The following FSTL5 variants were observed in gnomAD, a reference collection of about 807,000 sequenced individuals.
FSTL5 encodes the protein follistatin like 5, also known as follistatin-related protein 5.
Under a neutral mutation model 89.1 loss-of-function variants are expected in FSTL5, and 62 were observed. The observed-to-expected ratio is 0.70, with a 90% confidence interval of 0.57 to 0.86. The LOEUF is 0.86. FSTL5 is among the 40% of genes least tolerant of loss of function. FSTL5 has a pLI of 0.00. For missense variants in FSTL5, 1,057 were observed against 1,001.6 expected (o/e 1.06, Z -0.75); for synonymous variants, 383 against 346.2 (o/e 1.11, Z -1.18).
intron 2 of FSTL5, among the ~76,000 whole-genome samples, chr4:162,038,933 A>G (rs1182086190): frequency 6.6e-6 from 1 of 151,824 alleles, no homozygotes; most frequent in East Asian, 1.9e-4. Context: ...TTCATACTAT[A>G]AGCTTAAACT....
At chr4:161,776,186 C>G (rs750512327) in intron 4 of FSTL5, 112 bp from the exon 5 acceptor site, 28 of 570,692 alleles carry the variant, frequency 4.9e-5, no homozygotes, top group Non-Finnish European at 6.9e-5. Flanking sequence ...ATAATTTTTA[C>G]TTTTCTGGTG....
At chr4:161,536,260 A>C (rs989442686) in intron 10 of FSTL5, among the ~76,000 whole-genome samples, 1 of 152,176 alleles carries the variant, frequency 6.6e-6, no homozygotes, top group Non-Finnish European at 1.5e-5. Flanking sequence ...TGAAAACATA[A>C]AAATAATAAA....
chr4:161,402,943 G>T (rs4691757), intron 15 of FSTL5, among the ~76,000 whole-genome samples: 8,604 of 151,294 alleles, frequency 0.057, 546 homozygotes, highest in East Asian at 0.24. Context: ...TGCCTCAGCC[G>T]CCCGAGTAGC....
chr4:161,687,495 T>C (rs1322499119), intron 6 of FSTL5, among the ~76,000 whole-genome samples: 2 of 152,242 alleles, frequency 1.3e-5, no homozygotes, highest in Non-Finnish European at 2.9e-5. Flanking sequence ...TTGTGACTTA[T>C]GGAGACAAAC....
At chr4:161,433,583 T>G (rs80207092) in intron 15 of FSTL5, among the ~76,000 whole-genome samples, 2 of 151,836 alleles carry the variant, frequency 1.3e-5, no homozygotes, top group African/African-American at 4.8e-5. Flanking sequence ...GAGAAAGAAA[T>G]AAAGGGCATT....
At chr4:161,421,275 A>G (rs546089914) in intron 15 of FSTL5, among the ~76,000 whole-genome samples, 1 of 151,428 alleles carries the variant, frequency 6.6e-6, no homozygotes, top group South Asian at 2.1e-4. Context: ...CGGGAGGTGG[A>G]GCTTGCAGTG....
At chr4:162,037,256 A>C (rs1325631763) in intron 2 of FSTL5, among the ~76,000 whole-genome samples, 1 of 151,896 alleles carries the variant, frequency 6.6e-6, no homozygotes, top group African/African-American at 2.4e-5. Context: ...ACAGGTGGGA[A>C]CAGGAAGGCT....
chr4:161,852,772 T>A (rs958235606), intron 4 of FSTL5, among the ~76,000 whole-genome samples: 3 of 152,126 alleles, frequency 2.0e-5, no homozygotes, highest in Non-Finnish European at 2.9e-5. Flanking sequence ...CATGGAATAC[T>A]ATGCAGCCAT....
intron 6 of FSTL5, among the ~76,000 whole-genome samples, chr4:161,745,367 T>G (rs544634585): frequency 2.0e-4 from 30 of 152,162 alleles, no homozygotes; most frequent in African/African-American, 6.7e-4. Context: ...TATACAAAAA[T>G]GTGCTACTTT....
chr4:162,026,899 T>G (rs1737316441), intron 3 of FSTL5, among the ~76,000 whole-genome samples: 2 of 152,274 alleles, frequency 1.3e-5, no homozygotes, highest in East Asian at 3.9e-4. Flanking sequence ...AGCACTGCCT[T>G]CTGGTGGGCA....
intron 3 of FSTL5, among the ~76,000 whole-genome samples, chr4:161,987,485 T>TATATATATATATATAC (rs984214889): frequency 9.7e-5 from 14 of 143,606 alleles, no homozygotes; most frequent in South Asian, 2.1e-4. Context: ...TATATATATA[T>TATATATATATATATAC]ACATACATAT....
At chr4:161,939,763 G>A (rs1362358090) in intron 3 of FSTL5, among the ~76,000 whole-genome samples, 1 of 151,872 alleles carries the variant, frequency 6.6e-6, no homozygotes, top group Non-Finnish European at 1.5e-5. Flanking sequence ...AATCAAAAAT[G>A]TTTATTTTAA....
At chr4:161,452,492 T>C (rs1733200628) in intron 15 of FSTL5, among the ~76,000 whole-genome samples, 1 of 151,302 alleles carries the variant, frequency 6.6e-6, no homozygotes, top group Admixed American at 6.6e-5. Context: ...AAAAAAGAAA[T>C]ATACTATATG....
intron 2 of FSTL5, among the ~76,000 whole-genome samples, chr4:162,084,777 G>T (rs1730243057): frequency 6.6e-6 from 1 of 152,084 alleles, no homozygotes; most frequent in Non-Finnish European, 1.5e-5. Flanking sequence ...CTACCAGGGG[G>T]CATGTGGCTA....
intron 3 of FSTL5, among the ~76,000 whole-genome samples, chr4:162,009,031 C>A (rs189536090): frequency 5.3e-4 from 81 of 152,136 alleles, no homozygotes; most frequent in Admixed American, 4.2e-3. Context: ...AAGTTCCTAA[C>A]GTCCTACAAA....
intron 15 of FSTL5, among the ~76,000 whole-genome samples, chr4:161,396,078 C>T (rs188342532): frequency 2.6e-5 from 4 of 151,490 alleles, no homozygotes; most frequent in Non-Finnish European, 5.9e-5. Flanking sequence ...TCTTAGAGTA[C>T]TGCAGTCACT....
chr4:162,077,496 T>C (rs1245149723), intron 2 of FSTL5, among the ~76,000 whole-genome samples: 3 of 151,868 alleles, frequency 2.0e-5, no homozygotes, highest in Admixed American at 6.6e-5. Context: ...CTGATATTTG[T>C]TCTGCCCCAT....
intron 2 of FSTL5, among the ~76,000 whole-genome samples, chr4:162,077,784 AT>A (rs1466621510): frequency 6.6e-6 from 1 of 151,826 alleles, no homozygotes. Context: ...CTTTTGCTTG[AT>A]TTATTAACCA....
chr4:161,982,223 G>T (rs116642714), intron 3 of FSTL5, among the ~76,000 whole-genome samples: 3 of 152,282 alleles, frequency 2.0e-5, no homozygotes, highest in South Asian at 4.1e-4. Context: ...TGTGTTAGGA[G>T]GTCACCTTGT....
Sources: allele counts gnomAD v4.1 joint callset (sites outside exome capture counted in the v4.1 genomes callset), GRCh38; gene constraint gnomAD v4.1.1; transcripts MANE v1.5; gene names NCBI Gene and HGNC (gene_info 2026-07-23, HGNC 2026-07-21).